SLC41A1: variants seen among roughly 807,000 people sequenced by gnomAD.
SLC41A1 encodes solute carrier family 41 member 1, also known as solute carrier family 41 (magnesium transporter), member 1.
In SLC41A1, 20 loss-of-function variants were observed where a neutral mutation model predicts 47.3. The ratio of observed to expected loss-of-function variants is 0.42; its 90% CI spans 0.30 to 0.61. The LOEUF is 0.61. Among genes scored for constraint, SLC41A1 ranks in the 20% least tolerant of loss-of-function variants. The pLI is 0.17. For synonymous variants in SLC41A1, 282 were observed against 272.7 expected (o/e 1.03, Z -0.34); for missense variants, 504 against 674.1 (o/e 0.75, Z 2.79).
At chr1:205,805,702 G>T (rs1656000511) in intron 2 of SLC41A1, among the ~76,000 whole-genome samples, 1 of 152,134 alleles carries the variant, frequency 6.6e-6, no homozygotes, top group Non-Finnish European at 1.5e-5. Context: ...TATTCTGCAG[G>T]TGAGGGAATA....
At position 205,810,615 on chromosome 1, in the gene SLC41A1, A is replaced by C. The variant is rs1322519750; in HGVS notation, c.-174T>G. On this transcript the variant is annotated 5_prime_UTR_variant, in exon 2 of 11. Coordinates refer to ENST00000367137, the MANE Select transcript of SLC41A1 (RefSeq NM_173854.6). The surrounding 1 kb of genome is among the most constrained non-coding windows in gnomAD (Gnocchi z 5.5). The stretch of plus-strand genomic sequence containing the variant: ...GCACTGCAAAAACTGATCCACCAAC[A>C]GGCAGCCCCATCAAGCACTGAAGCC... 4.4e-6 allele frequency: 4 copies of C among 918,362 alleles called. No individual in the cohort carries two copies. Among genetic ancestry groups the C allele is most frequent in the Non-Finnish European group, 6.6e-6 (4 of 610,580 alleles). The allele number at this position is 918,362 out of a possible 1,614,324, so 56.9% of individuals were successfully genotyped here. A position where few individuals can be genotyped will look rare whatever the true frequency, so the allele number is the denominator to read the frequency against.
intron 10 of SLC41A1, among the ~76,000 whole-genome samples, chr1:205,794,624 C>T (rs1655702492): frequency 6.6e-6 from 1 of 152,182 alleles, no homozygotes. Context: ...TGGTCCATTC[C>T]TCTCAATTTA....
At position 205,789,381 on chromosome 1, in the gene SLC41A1, C is replaced by A. The variant is rs1331474493; in HGVS notation, c.*2152G>T. 7 of 152,332 alleles carry A rather than the reference C, an allele frequency of 4.6e-5. No homozygotes were observed. The allele number at this position is 152,332 out of a possible 1,614,324, so 9.4% of individuals were successfully genotyped here. On this transcript the variant is annotated 3_prime_UTR_variant, in exon 11 of 11. Transcript: ENST00000367137. ...CAGGGCCTGGGGCATGCCTATCTGT[C>A]TGCTTTTTAGGCAAAGGAGGTCACT...
At chr1:205,803,632 CTTT>C (rs140199204) in intron 2 of SLC41A1, among the ~76,000 whole-genome samples, 73,857 of 120,936 alleles carry the variant, frequency 0.61, 23,559 homozygotes, top group Non-Finnish European at 0.75. Flanking sequence ...TAGTCAAATT[CTTT>C]TTTTTTTTTT....
Position 205,791,814 on chromosome 1 carries a change from T to C in SLC41A1, c.1357-96A>G, listed in dbSNP as rs1655635107. 1 of 1,466,694 alleles carries C rather than the reference T, an allele frequency of 6.8e-7. No individual in the cohort carries two copies. The highest frequency in any genetic ancestry group is 1.4e-5 in the African/African-American group (1 of 71,352). 90.9% of individuals were successfully genotyped at this position (1,466,694 alleles called of 1,614,324 possible). A position where few individuals can be genotyped will look rare whatever the true frequency, so the allele number is the denominator to read the frequency against. On this transcript the variant is annotated intron_variant, in intron 10 of 10. Transcript: ENST00000367137. This position sits in a 1 kb window ranked among gnomAD's most constrained non-coding sequence, Gnocchi z 4.0. ...GACCCATTCAGTGCATCACAGGGCTTGGCTGGCCATAATCCTTACTTTTTA... is the reference window on the plus strand; with the variant it reads ...GACCCATTCAGTGCATCACAGGGCTCGGCTGGCCATAATCCTTACTTTTTA...
chr1:205,800,841 C>G (rs1571644959), intron 3 of SLC41A1, 112 bp downstream of exon 3: 2 of 1,040,362 alleles, frequency 1.9e-6, no homozygotes, highest in South Asian at 2.6e-5. Context: ...CACCCCAGCC[C>G]CACACTCCAG....
chr1:205,812,687 A>C, intron 1 of SLC41A1, 121 bp downstream of exon 1: 18 of 941,004 alleles, frequency 1.9e-5, no homozygotes, highest in Non-Finnish European at 2.3e-5. Flanking sequence ...CCGAGGAGGG[A>C]GAGAAAGTAA....
At position 205,794,645 on chromosome 1, in the gene SLC41A1, G is replaced by A. The variant is rs137906000; in HGVS notation, c.1356+225C>T. 2.4e-3 allele frequency among the ~76,000 whole-genome samples: 371 copies of A among 152,194 alleles called. 2 individuals carry two copies. The highest frequency in any genetic ancestry group is 0.017 in the Middle Eastern group (5 of 294). ...ATTCCTCTCAATTTACAACTGTATCGCTGAGGATCAGGGTAGTAAAAGAAC... is the reference window on the plus strand; with the variant it reads ...ATTCCTCTCAATTTACAACTGTATCACTGAGGATCAGGGTAGTAAAAGAAC... On this transcript the variant is annotated intron_variant, in intron 10 of 10. Transcript: ENST00000367137.
At position 205,795,774 on chromosome 1, in the gene SLC41A1, T is replaced by G. The variant is rs932557095; in HGVS notation, c.1073-296A>C. The stretch of plus-strand genomic sequence containing the variant: ...CTGTGACAGTGCCGGAAAGGATACG[T>G]GCAGATCTGCAGACTCAGAGAGCCT... On this transcript the variant is annotated intron_variant, in intron 8 of 10. Coordinates refer to ENST00000367137, the MANE Select transcript of SLC41A1 (RefSeq NM_173854.6). 11 of 477,250 alleles carry G rather than the reference T, an allele frequency of 2.3e-5. 1 individual carries two copies. The highest frequency in any genetic ancestry group is 2.2e-4 in the African/African-American group (11 of 50,918). 29.6% of individuals were successfully genotyped at this position (477,250 alleles called of 1,614,324 possible).
Position 205,798,658 on chromosome 1 carries a change from T to C in SLC41A1, c.844+11A>G, listed in dbSNP as rs753673698. 1.2e-6 allele frequency: 2 copies of C among 1,614,188 alleles called. No individual in the cohort carries two copies. Among genetic ancestry groups the C allele is most frequent in the Admixed American group, 1.7e-5 (1 of 60,024 alleles). On this transcript the variant is annotated intron_variant, in intron 6 of 10. Coordinates refer to ENST00000367137, the MANE Select transcript of SLC41A1 (RefSeq NM_173854.6). Reference sequence around the variant, plus strand: ...CCAGGACTCCAAGAAGCCACACTCTTGGTGGCTCACTCAGTTCCAGGTAGA... The same window carrying C: ...CCAGGACTCCAAGAAGCCACACTCTCGGTGGCTCACTCAGTTCCAGGTAGA...
In SLC41A1 at chr1:205,791,748, C is replaced by T. The variant is rs753371691; in HGVS notation, c.1357-30G>A. 1 of 1,610,580 alleles carries T rather than the reference C, an allele frequency of 6.2e-7. No homozygotes were observed. Among genetic ancestry groups the T allele is most frequent in the East Asian group, 2.2e-5 (1 of 44,772 alleles). On this transcript the variant is annotated intron_variant, in intron 10 of 10. Transcript: ENST00000367137. This position sits in a 1 kb window ranked among gnomAD's most constrained non-coding sequence, Gnocchi z 4.0. ...GGAGACAAAAGGGCCCAGCCTATAG[C>T]CATCCTCTCTCTCCAGGGGGAGCCA...
rs200958535 is a variant in SLC41A1, at chr1:205,807,588, TCCAGATTCTAATCCAC to T, written c.372+2466_372+2481del. ...CACTTCAGAAGATAACGCTAATTAA[TCCAGATTCTAATCCAC>T]CCAGTTCTTCAAGGAAAGACAAAGA... On this transcript the variant is annotated intron_variant, in intron 2 of 10. Coordinates refer to ENST00000367137, the MANE Select transcript of SLC41A1 (RefSeq NM_173854.6). Among the ~76,000 whole-genome samples, 307 of 148,764 alleles carry T rather than the reference TCCAGATTCTAATCCAC, an allele frequency of 2.1e-3. 8 individuals carry two copies. The East Asian group carries it at 0.054, about 26-fold the overall frequency.
Position 205,789,103 on chromosome 1 carries a change from C to T in SLC41A1, c.*2430G>A, listed in dbSNP as rs912410758. ...AGGAAACACCAACCATCTAAATAAACGTCCTCTTTATTTTACCAAATATAA... is the reference window on the plus strand; with the variant it reads ...AGGAAACACCAACCATCTAAATAAATGTCCTCTTTATTTTACCAAATATAA... On this transcript the variant is annotated 3_prime_UTR_variant, in exon 11 of 11. Coordinates refer to ENST00000367137, the MANE Select transcript of SLC41A1 (RefSeq NM_173854.6). 6.6e-6 allele frequency: 1 copy of T among 152,212 alleles called. No individual in the cohort carries two copies. Among genetic ancestry groups the T allele is most frequent in the African/African-American group, 2.4e-5 (1 of 41,444 alleles). The allele number at this position is 152,212 out of a possible 1,614,324, so 9.4% of individuals were successfully genotyped here. A position where few individuals can be genotyped will look rare whatever the true frequency, so the allele number is the denominator to read the frequency against.
intron 2 of SLC41A1, among the ~76,000 whole-genome samples, chr1:205,806,717 T>C (rs1037490059): frequency 2.6e-4 from 39 of 152,186 alleles, no homozygotes; most frequent in African/African-American, 8.7e-4. Flanking sequence ...GGTCCATTTA[T>C]CCTTTTCCTA....
chr1:205,793,775 T>TA (rs1336478519), intron 10 of SLC41A1, among the ~76,000 whole-genome samples: 1 of 151,988 alleles, frequency 6.6e-6, no homozygotes, highest in Non-Finnish European at 1.5e-5. Context: ...TACATGTGTG[T>TA]AAAAAAGAGG....
intron 1 of SLC41A1, among the ~76,000 whole-genome samples, chr1:205,812,489 C>T (rs1045934908): frequency 6.6e-6 from 1 of 152,206 alleles, no homozygotes; most frequent in Non-Finnish European, 1.5e-5. Flanking sequence ...CTCCTGTGTT[C>T]CTGGCAGGCC....
At chr1:205,801,392 C>T (rs1655875422) in intron 2 of SLC41A1, 1 of 353,062 alleles carries the variant, frequency 2.8e-6, no homozygotes, top group Admixed American at 4.0e-5. Flanking sequence ...CCTGGGCTGC[C>T]TGACACCCCA....
rs550783708 is a variant in SLC41A1, at chr1:205,809,737, C to T, written c.372+333G>A. Among the ~76,000 whole-genome samples the T allele has an allele frequency of 3.9e-5, 6 of 152,224 alleles. No individual in the cohort carries two copies. In the South Asian group the frequency reaches 6.2e-4, roughly 16 times the overall value. On this transcript the variant is annotated intron_variant, in intron 2 of 10. Coordinates refer to ENST00000367137, the MANE Select transcript of SLC41A1 (RefSeq NM_173854.6). Reference sequence around the variant, plus strand: ...AAAGAGGAGACCCTTGTAAATGTCTCCTACTGAGCTGGGCTCGGCAGGACT... The same window carrying T: ...AAAGAGGAGACCCTTGTAAATGTCTTCTACTGAGCTGGGCTCGGCAGGACT...
intron 2 of SLC41A1, among the ~76,000 whole-genome samples, chr1:205,804,212 C>T (rs184784232): frequency 3.2e-4 from 49 of 152,214 alleles, no homozygotes; most frequent in East Asian, 1.7e-3. Context: ...AGAGGCTGGG[C>T]GCTGGGTGGC....
Sources: allele counts gnomAD v4.1 joint callset (sites outside exome capture counted in the v4.1 genomes callset), GRCh38; gene constraint gnomAD v4.1.1; non-coding constraint Gnocchi (gnomAD v3.1); transcripts MANE v1.5; gene names NCBI Gene and HGNC (gene_info 2026-07-23, HGNC 2026-07-21).